The following ATXN2 variants were observed in gnomAD, a reference collection of about 807,000 sequenced individuals.
ATXN2 encodes the protein ataxin 2, also known as ataxin-2.
In ATXN2, 37 loss-of-function variants were observed where a neutral mutation model predicts 138.6. The ratio of observed to expected loss-of-function variants is 0.27; its 90% CI spans 0.21 to 0.35. The LOEUF (loss-of-function observed/expected upper bound fraction) is 0.35. Ranked by LOEUF, ATXN2 falls within the 10% of genes least tolerant of loss-of-function variation. The pLI, the probability that ATXN2 is intolerant of heterozygous loss-of-function variation, is 1.00. For missense variants in ATXN2, 1,216 were observed against 1,480.3 expected (o/e 0.82, Z 2.93); for synonymous variants, 549 against 543.7 (o/e 1.01, Z -0.13).
Position 111,557,839 on chromosome 12 carries a change from A to G in ATXN2, c.252-1920T>C, listed in dbSNP as rs556933569. ...ACTTATAGTCTGTACATGAAGGCTAAAATGCCTAAATCTTACTTAGAACGA... is the reference window on the plus strand; with the variant it reads ...ACTTATAGTCTGTACATGAAGGCTAGAATGCCTAAATCTTACTTAGAACGA... On this transcript the variant is annotated intron_variant, in intron 1 of 24. Coordinates refer to ENST00000673436, the MANE Select transcript of ATXN2 (RefSeq NM_001372574.1). 3.9e-4 allele frequency among the ~76,000 whole-genome samples: 60 copies of G among 152,296 alleles called. 1 individual carries two copies. The South Asian group carries it at 0.012, about 31-fold the overall frequency.
chr12:111,553,925 A>C (rs1882256792), intron 3 of ATXN2, among the ~76,000 whole-genome samples: 1 of 152,044 alleles, frequency 6.6e-6, no homozygotes, highest in South Asian at 2.1e-4. Flanking sequence ...TTTTGATCCA[A>C]GGTTGGCTGA....
chr12:111,505,364 C>T (rs1879043400), intron 14 of ATXN2, among the ~76,000 whole-genome samples: 1 of 152,038 alleles, frequency 6.6e-6, no homozygotes, highest in Non-Finnish European at 1.5e-5. Context: ...TGGACTTCAT[C>T]AAAATTAAAA....
chr12:111,467,820 G>A (rs1216136314), intron 20 of ATXN2, among the ~76,000 whole-genome samples: 3 of 152,192 alleles, frequency 2.0e-5, no homozygotes, highest in Non-Finnish European at 4.4e-5. Flanking sequence ...CTCAAACACA[G>A]TATTTACCCT....
At chr12:111,485,224 G>T (rs767225064) in intron 18 of ATXN2, 41 bp downstream of exon 18, 2 of 1,550,750 alleles carry the variant, frequency 1.3e-6, no homozygotes, top group South Asian at 1.2e-5. Flanking sequence ...AATTCATGCA[G>T]CATGCAAACT....
In ATXN2 at chr12:111,598,190, T is replaced by C; in HGVS notation, c.251+594A>G. 2 of 1,054,004 alleles carry C rather than the reference T, an allele frequency of 1.9e-6. No individual in the cohort carries two copies. Among genetic ancestry groups the C allele is most frequent in the Non-Finnish European group, 2.3e-6 (2 of 868,898 alleles). The allele number at this position is 1,054,004 out of a possible 1,614,324, so 65.3% of individuals were successfully genotyped here. A position where few individuals can be genotyped will look rare whatever the true frequency, so the allele number is the denominator to read the frequency against. ...CCAAGGCCCACTTGTCTCCACCCCG[T>C]CCTCCGATCTTTCCCAGGACTCGGA... is the stretch of plus-strand genomic sequence containing the variant. On this transcript the variant is annotated intron_variant, in intron 1 of 24. Transcript: ENST00000673436. The surrounding 1 kb of genome is among the most constrained non-coding windows in gnomAD (Gnocchi z 4.5).
At chr12:111,500,866 C>T (rs1228065082) in intron 14 of ATXN2, among the ~76,000 whole-genome samples, 4 of 151,296 alleles carry the variant, frequency 2.6e-5, no homozygotes, top group East Asian at 3.9e-4. Context: ...AGTGAGACTC[C>T]GTCTAAAAAT....
intron 20 of ATXN2, chr12:111,469,358 A>T (rs894871034): frequency 6.6e-6 from 1 of 152,252 alleles, no homozygotes; most frequent in African/African-American, 2.4e-5. Flanking sequence ...GTATCATAAG[A>T]TATACAAATG....
intron 1 of ATXN2, among the ~76,000 whole-genome samples, chr12:111,578,878 T>C (rs1016986001): frequency 6.6e-6 from 1 of 151,962 alleles, no homozygotes; most frequent in Non-Finnish European, 1.5e-5. Context: ...TCTTCTCTAC[T>C]AAAAATCAAA....
intron 18 of ATXN2, among the ~76,000 whole-genome samples, chr12:111,473,836 G>C (rs1156784885): frequency 6.6e-6 from 1 of 151,508 alleles, no homozygotes; most frequent in Non-Finnish European, 1.5e-5. Context: ...ACAGGGGACA[G>C]AAGTCTACTT....
chr12:111,578,992 C>T (rs753461923), intron 1 of ATXN2, among the ~76,000 whole-genome samples: 1 of 152,034 alleles, frequency 6.6e-6, no homozygotes, highest in Non-Finnish European at 1.5e-5. Context: ...CAGACAATAT[C>T]GCACCACTGC....
intron 14 of ATXN2, among the ~76,000 whole-genome samples, chr12:111,494,425 C>CTTTTT (rs757341708): frequency 7.5e-6 from 1 of 133,752 alleles, no homozygotes; most frequent in African/African-American, 2.7e-5. Flanking sequence ...TATGTGATCT[C>CTTTTT]TTTTTTTTTT....
At chr12:111,588,852 G>A (rs979242889) in intron 1 of ATXN2, among the ~76,000 whole-genome samples, 6 of 149,454 alleles carry the variant, frequency 4.0e-5, no homozygotes, top group East Asian at 2.0e-4. Context: ...AAAATTAGCC[G>A]GGCATGGTGG....
intron 14 of ATXN2, among the ~76,000 whole-genome samples, chr12:111,506,987 G>C (rs1350274985): frequency 6.6e-6 from 1 of 152,172 alleles, no homozygotes; most frequent in African/African-American, 2.4e-5. Context: ...CCAGGCTGGA[G>C]TGCAGTGGCG....
At chr12:111,464,429 T>C (rs1875849361) in intron 21 of ATXN2, among the ~76,000 whole-genome samples, 1 of 149,820 alleles carries the variant, frequency 6.7e-6, no homozygotes, top group Admixed American at 6.6e-5. Flanking sequence ...CCCAGTCACA[T>C]TTGCTTGGTA....
At chr12:111,590,856 G>C (rs998104382) in intron 1 of ATXN2, among the ~76,000 whole-genome samples, 2 of 152,000 alleles carry the variant, frequency 1.3e-5, no homozygotes, top group Admixed American at 6.6e-5. Context: ...TGCTCTTTAT[G>C]AGAATCTAAC....
chr12:111,479,999 A>T (rs1440852926), intron 18 of ATXN2, among the ~76,000 whole-genome samples: 1 of 151,154 alleles, frequency 6.6e-6, no homozygotes, highest in Non-Finnish European at 1.5e-5. Flanking sequence ...TTTTTTACGT[A>T]AAAAAAGAAA....
At position 111,552,174 on chromosome 12, in the gene ATXN2, C is replaced by T. The variant is rs981303177; in HGVS notation, c.571+106G>A. 7 of 1,251,546 alleles carry T rather than the reference C, an allele frequency of 5.6e-6. No homozygotes were observed. Among genetic ancestry groups the T allele is most frequent in the Non-Finnish European group, 7.5e-6 (7 of 929,674 alleles). 77.5% of individuals were successfully genotyped at this position (1,251,546 alleles called of 1,614,324 possible). A position where few individuals can be genotyped will look rare whatever the true frequency, so the allele number is the denominator to read the frequency against. Reference sequence around the variant, plus strand: ...AAGATTACAGGAATGAGCCGCCATACCCAGCCCAGATATTTCTTTAAAAAA... The same window carrying T: ...AAGATTACAGGAATGAGCCGCCATATCCAGCCCAGATATTTCTTTAAAAAA... On this transcript the variant is annotated intron_variant, in intron 5 of 24. Coordinates refer to ENST00000673436, the MANE Select transcript of ATXN2 (RefSeq NM_001372574.1). The surrounding 1 kb of genome is among the most constrained non-coding windows in gnomAD (Gnocchi z 4.1).
At chr12:111,581,322 G>C (rs1592925608) in intron 1 of ATXN2, 1 of 525,144 alleles carries the variant, frequency 1.9e-6, no homozygotes, top group East Asian at 3.7e-5. Context: ...GGGAAAGGGA[G>C]GGGCCCACTG....
At chr12:111,542,203 A>C (rs1881557705) in intron 5 of ATXN2, among the ~76,000 whole-genome samples, 1 of 141,272 alleles carries the variant, frequency 7.1e-6, no homozygotes, top group Non-Finnish European at 1.6e-5. Flanking sequence ...CTGTGTCTTC[A>C]TAAATCTTCA....
Sources: gnomAD v4.1 joint callset for allele counts (sites outside exome capture counted in the v4.1 genomes callset) on GRCh38, gnomAD v4.1.1 for gene constraint, Gnocchi (gnomAD v3.1) non-coding constraint, MANE v1.5 for transcripts, NCBI Gene and HGNC (gene_info 2026-07-23, HGNC 2026-07-21) for gene names.